The following PRELID2 variants were observed in gnomAD, a reference collection of about 807,000 sequenced individuals.
PRELID2 encodes the protein PRELI domain-containing protein 2.
In PRELID2, 25 loss-of-function variants were observed where a neutral mutation model predicts 28.4. The observed-to-expected ratio is 0.88, with a 90% CI of 0.64 to 1.23. The LOEUF (loss-of-function observed/expected upper bound fraction) is 1.23, where lower values mean the gene tolerates loss of function less well. PRELID2 is among the 50% of genes most tolerant of loss of function. The probability of loss-of-function intolerance (pLI) is 0.00; values close to 1 mark genes in which losing one functional copy is unlikely to be tolerated. For missense variants in PRELID2, 201 were observed against 214.4 expected (o/e 0.94, Z 0.39); for synonymous variants, 76 against 71.6 (o/e 1.06, Z -0.31).
the PRELID2 span, among the ~76,000 whole-genome samples, chr5:145,393,530 A>G: frequency 6.6e-6 from 1 of 152,342 alleles, no homozygotes; most frequent in East Asian, 1.9e-4. Flanking sequence ...ACATTTATGG[A>G]CAGAAAAGGG....
the PRELID2 span, among the ~76,000 whole-genome samples, chr5:145,335,046 A>C: frequency 6.6e-6 from 1 of 152,012 alleles, no homozygotes; most frequent in South Asian, 2.1e-4. Flanking sequence ...TTATTTTTTA[A>C]GTAAGCTTTT....
chr5:145,705,032 C>T (rs1004581956), intron 1 of PRELID2, among the ~76,000 whole-genome samples: 21 of 152,152 alleles, frequency 1.4e-4, no homozygotes, highest in African/African-American at 5.1e-4. Context: ...TTGTTTAAGA[C>T]ACCCAAGGTG....
chr5:145,821,842 C>A (rs958379710), intron 2 of PRELID2, among the ~76,000 whole-genome samples: 3 of 152,180 alleles, frequency 2.0e-5, no homozygotes, highest in African/African-American at 7.2e-5. Flanking sequence ...ATCTTCCTAA[C>A]AACCTAAAAA....
intron 1 of PRELID2, among the ~76,000 whole-genome samples, chr5:145,693,323 T>C (rs973652206): frequency 2.0e-5 from 3 of 151,966 alleles, no homozygotes; most frequent in Admixed American, 6.6e-5. Flanking sequence ...AATTTTTGTA[T>C]GCTTGGTAGA....
At chr5:145,502,452 G>A (rs944589826) in intron 1 of PRELID2, among the ~76,000 whole-genome samples, 2 of 152,098 alleles carry the variant, frequency 1.3e-5, no homozygotes, top group Non-Finnish European at 2.9e-5. Flanking sequence ...TCTGTATTAA[G>A]ATGAAAGGAC....
At chr5:145,765,178 A>C (rs1757672109) in intron 5 of PRELID2, among the ~76,000 whole-genome samples, 178 bp from the exon 6 acceptor site, 5 of 152,176 alleles carry the variant, frequency 3.3e-5, no homozygotes, top group Admixed American at 3.3e-4. Context: ...TTTCACATAC[A>C]TTATCTCCGC....
At chr5:145,293,748 T>G in the PRELID2 span, among the ~76,000 whole-genome samples, 1 of 152,168 alleles carries the variant, frequency 6.6e-6, no homozygotes, top group Non-Finnish European at 1.5e-5. Flanking sequence ...ATTAACATCT[T>G]TAGTCCTACA....
At chr5:145,609,790 G>T (rs891202879) in intron 1 of PRELID2, among the ~76,000 whole-genome samples, 2 of 152,222 alleles carry the variant, frequency 1.3e-5, no homozygotes, top group Non-Finnish European at 2.9e-5. Context: ...GCTACCAGTG[G>T]CAGGGATGAA....
At chr5:145,535,848 A>T (rs1485380230) in intron 1 of PRELID2, among the ~76,000 whole-genome samples, 1 of 151,952 alleles carries the variant, frequency 6.6e-6, no homozygotes, top group Non-Finnish European at 1.5e-5. Context: ...GACATGTCAC[A>T]TACTAGAATC....
the PRELID2 span, among the ~76,000 whole-genome samples, chr5:145,390,512 A>C: frequency 6.6e-6 from 1 of 152,184 alleles, no homozygotes; most frequent in Non-Finnish European, 1.5e-5. Flanking sequence ...TGAGAACAGC[A>C]TAAGGGTAAC....
At chr5:145,565,473 G>C (rs1487345089) in intron 1 of PRELID2, among the ~76,000 whole-genome samples, 1 of 152,212 alleles carries the variant, frequency 6.6e-6, no homozygotes, top group Non-Finnish European at 1.5e-5. Flanking sequence ...ACTAAGCCTT[G>C]AGAAAAGGTG....
chr5:145,370,464 C>T, the PRELID2 span, among the ~76,000 whole-genome samples: 1 of 152,002 alleles, frequency 6.6e-6, no homozygotes, highest in Non-Finnish European at 1.5e-5. Context: ...GGTCTCTGTT[C>T]TGTTTCATTG....
chr5:145,764,991 T>G lies in PRELID2; in HGVS notation c.484A>C (p.Ile162Leu), dbSNP rs755674824. Reference sequence around the variant, plus strand: ...TGTTCCTTTAGCAGCATCTCCATGATTCTAATTCCCTATAGAAAGAAGGAA... The same window carrying G: ...TGTTCCTTTAGCAGCATCTCCATGAGTCTAATTCCCTATAGAAAGAAGGAA... ...LRQGAQKGIR[I>L]MEMLLKEQCG... is the part of the protein sequence containing the mutation. The change falls in exon 6 of 7, where the codon ATC (isoleucine) becomes CTC (leucine). Residue 162 changes from isoleucine (I) to leucine (L), a missense_variant. Ile to Leu is a conservative substitution (Grantham distance 5). Coordinates refer to ENST00000683046, the MANE Select transcript of PRELID2 (RefSeq NM_205846.3). 6.2e-7 allele frequency: 1 copy of G among 1,605,232 alleles called. No homozygotes were observed. Among genetic ancestry groups the G allele is most frequent in the East Asian group, 2.2e-5 (1 of 44,698 alleles).
At chr5:145,805,559 C>T (rs1753441741) in intron 4 of PRELID2, among the ~76,000 whole-genome samples, 1 of 152,122 alleles carries the variant, frequency 6.6e-6, no homozygotes, top group Non-Finnish European at 1.5e-5. Context: ...ACATTTTTAA[C>T]TCCGCCCCTG....
At position 145,505,122 on chromosome 5, in the gene PRELID2, G is replaced by T. The variant is rs141238731; in HGVS notation, n.71-31807C>A. On this transcript the variant is annotated intron_variant and non_coding_transcript_variant, in intron 1 of 2. Transcript: ENST00000510259. ...GAAGTATACATTTGCAAGCACACTA[G>T]CTCTATACATACTGTATACACTTAT... 8.9e-4 allele frequency among the ~76,000 whole-genome samples: 135 copies of T among 151,376 alleles called. 1 individual carries two copies. The highest frequency in any genetic ancestry group is 6.8e-3 in the Middle Eastern group (2 of 294).
the PRELID2 span, among the ~76,000 whole-genome samples, chr5:145,315,217 G>A: frequency 1.3e-4 from 20 of 151,648 alleles, no homozygotes; most frequent in African/African-American, 4.1e-4. Context: ...CTACAGGCAC[G>A]TGCCACCACG....
At chr5:145,581,952 A>G (rs1272864682) in intron 1 of PRELID2, among the ~76,000 whole-genome samples, 1 of 152,144 alleles carries the variant, frequency 6.6e-6, no homozygotes, top group Admixed American at 6.6e-5. Context: ...AATTAGCCAT[A>G]TTCAGTGCAA....
At chr5:145,756,040 A>G (rs1157548599), downstream of PRELID2, among the ~76,000 whole-genome samples, 3 of 152,216 alleles carry the variant, frequency 2.0e-5, no homozygotes, top group African/African-American at 7.2e-5. Context: ...CACCCTTTGG[A>G]AACACCTGGC....
chr5:145,296,039 TA>T, the PRELID2 span, among the ~76,000 whole-genome samples: 2 of 152,050 alleles, frequency 1.3e-5, no homozygotes, highest in Admixed American at 1.3e-4. Flanking sequence ...ATTAATTGAT[TA>T]ATTTTGTGAG....
Sources: allele counts gnomAD v4.1 joint callset (sites outside exome capture counted in the v4.1 genomes callset), GRCh38; gene constraint gnomAD v4.1.1; transcripts MANE v1.5; gene names NCBI Gene and HGNC (gene_info 2026-07-23, HGNC 2026-07-21).